SUGCT: variants seen among roughly 807,000 people sequenced by gnomAD.
SUGCT encodes succinyl-CoA:glutarate CoA-transferase.
SUGCT carries 41 observed loss-of-function variants against 55.0 expected under a neutral mutation model. The ratio of observed to expected loss-of-function variants is 0.74; its 90% CI spans 0.58 to 0.97. The LOEUF (loss-of-function observed/expected upper bound fraction) is 0.97. SUGCT is among the 50% of genes least tolerant of loss of function. SUGCT has a pLI of 0.00. For missense variants in SUGCT, 568 were observed against 547.8 expected, an observed-to-expected ratio of 1.04 and a Z score of -0.37; for synonymous variants, 187 against 200.4, an observed-to-expected ratio of 0.93 and a Z score of 0.56.
chr7:40,555,710 T>G (rs1052801806), intron 12 of SUGCT, among the ~76,000 whole-genome samples: 1 of 152,086 alleles, frequency 6.6e-6, no homozygotes, highest in African/African-American at 2.4e-5. Flanking sequence ...AATTCCAATA[T>G]TCCAGTATTC....
At chr7:40,144,065 G>A (rs959860257) in intron 1 of SUGCT, among the ~76,000 whole-genome samples, 11 of 152,244 alleles carry the variant, frequency 7.2e-5, no homozygotes, top group East Asian at 1.9e-4. Context: ...GACAAACTAC[G>A]GCATAAAAGC....
At chr7:40,202,707 T>A (rs1196494555) in intron 6 of SUGCT, among the ~76,000 whole-genome samples, 1 of 152,120 alleles carries the variant, frequency 6.6e-6, no homozygotes, top group Admixed American at 6.6e-5. Context: ...AGTTTTGTAG[T>A]CTCCTCAGAG....
At chr7:40,549,218 G>A (rs1479070445) in intron 12 of SUGCT, among the ~76,000 whole-genome samples, 2 of 152,094 alleles carry the variant, frequency 1.3e-5, no homozygotes, top group African/African-American at 4.8e-5. Flanking sequence ...GCTTCATTAT[G>A]TTTCTGCTCA....
chr7:40,988,018 AG>A, the SUGCT span, among the ~76,000 whole-genome samples: 1 of 151,726 alleles, frequency 6.6e-6, no homozygotes, highest in African/African-American at 2.4e-5. Flanking sequence ...GGATCCAGGG[AG>A]TGGAATGAAG....
chr7:40,262,272 C>T (rs941019222), intron 7 of SUGCT, among the ~76,000 whole-genome samples: 2 of 152,068 alleles, frequency 1.3e-5, no homozygotes, highest in Non-Finnish European at 2.9e-5. Context: ...CCTGAACGTG[C>T]CCATCCTGCC....
intron 10 of SUGCT, among the ~76,000 whole-genome samples, chr7:40,458,315 T>C (rs1008757050): frequency 2.0e-5 from 3 of 152,206 alleles, no homozygotes; most frequent in Admixed American, 6.5e-5. Context: ...TTTGTAAAAC[T>C]TTTCCATTCC....
rs572737419 is a variant in SUGCT at position 40,567,910 on chromosome 7, C to T, written c.1089+71524C>T. On this transcript the variant is annotated intron_variant, in intron 12 of 13. Coordinates refer to ENST00000335693, the MANE Select transcript of SUGCT (RefSeq NM_001193313.2). Reference sequence around the variant, plus strand: ...AGAAGGTTGCTGTTATGTGGAATCTCTTATGATGGCATACAAAGAAAGACT... The same window carrying T: ...AGAAGGTTGCTGTTATGTGGAATCTTTTATGATGGCATACAAAGAAAGACT... Among the ~76,000 whole-genome samples the T allele has an allele frequency of 2.0e-5, 3 of 152,190 alleles. No individual in the cohort carries two copies. In the South Asian group the frequency reaches 6.2e-4, roughly 32 times the overall value.
At chr7:40,936,724 G>C in the SUGCT span, among the ~76,000 whole-genome samples, 1 of 151,462 alleles carries the variant, frequency 6.6e-6, no homozygotes, top group East Asian at 1.9e-4. Flanking sequence ...TTCTATATAA[G>C]CTTTCAGAAC....
chr7:40,776,536 G>A (rs1008344789), intron 13 of SUGCT, among the ~76,000 whole-genome samples: 4 of 152,174 alleles, frequency 2.6e-5, no homozygotes, highest in Admixed American at 2.0e-4. Context: ...AAGTTCCATA[G>A]TTATTAATTA....
intron 12 of SUGCT, among the ~76,000 whole-genome samples, chr7:40,732,470 G>A (rs1387118206): frequency 1.3e-5 from 2 of 152,208 alleles, no homozygotes; most frequent in Non-Finnish European, 2.9e-5. Flanking sequence ...TATTCAACCT[G>A]TTATAGGCAG....
chr7:41,037,637 C>T, the SUGCT span, among the ~76,000 whole-genome samples: 2 of 151,684 alleles, frequency 1.3e-5, no homozygotes, highest in African/African-American at 4.8e-5. Context: ...CAGAGGCCTT[C>T]TGGAATCAGC....
chr7:40,655,080 G>A (rs1033167962), intron 12 of SUGCT, among the ~76,000 whole-genome samples: 1 of 152,086 alleles, frequency 6.6e-6, no homozygotes, highest in Non-Finnish European at 1.5e-5. Flanking sequence ...CATCATTTGA[G>A]CTCTGAAGTT....
chr7:40,365,373 C>T (rs1783886367), intron 9 of SUGCT, among the ~76,000 whole-genome samples: 1 of 151,670 alleles, frequency 6.6e-6, no homozygotes, highest in Non-Finnish European at 1.5e-5. Flanking sequence ...TGCCCTCTCT[C>T]ACCACTCCTA....
chr7:40,495,998 T>C (rs1225017630), intron 11 of SUGCT, among the ~76,000 whole-genome samples: 1 of 152,194 alleles, frequency 6.6e-6, no homozygotes, highest in Non-Finnish European at 1.5e-5. Flanking sequence ...ATATTATTAT[T>C]ATTAAATTCA....
At chr7:40,661,959 T>A (rs560123346) in intron 12 of SUGCT, among the ~76,000 whole-genome samples, 1 of 152,334 alleles carries the variant, frequency 6.6e-6, no homozygotes, top group African/African-American at 2.4e-5. Flanking sequence ...AGTCTGCAAC[T>A]AAGGTCCAGA....
intron 10 of SUGCT, among the ~76,000 whole-genome samples, chr7:40,450,870 G>A (rs1257428316): frequency 1.3e-5 from 2 of 152,152 alleles, no homozygotes; most frequent in Non-Finnish European, 2.9e-5. Context: ...TCTTTTGTAT[G>A]AGAAGGTAGG....
intron 12 of SUGCT, among the ~76,000 whole-genome samples, chr7:40,744,114 C>T (rs866037211): frequency 3.3e-5 from 5 of 149,404 alleles, no homozygotes; most frequent in African/African-American, 4.9e-5. Context: ...TTTTAGTAGA[C>T]GCGGGGTTTC....
intron 1 of SUGCT, among the ~76,000 whole-genome samples, chr7:40,157,563 G>A (rs561697978): frequency 6.6e-6 from 1 of 152,306 alleles, no homozygotes; most frequent in Non-Finnish European, 1.5e-5. Context: ...TATTTTTAAT[G>A]TAAAATACTT....
At chr7:40,587,560 G>C (rs1009970367) in intron 12 of SUGCT, among the ~76,000 whole-genome samples, 4 of 152,182 alleles carry the variant, frequency 2.6e-5, no homozygotes, top group Non-Finnish European at 4.4e-5. Context: ...TTTAACATGA[G>C]TTGACACATT....
Sources: allele counts gnomAD v4.1 joint callset (sites outside exome capture counted in the v4.1 genomes callset), GRCh38; gene constraint gnomAD v4.1.1; transcripts MANE v1.5; gene names NCBI Gene and HGNC (gene_info 2026-07-23, HGNC 2026-07-21).